USP40: variants seen among roughly 807,000 people sequenced by gnomAD.
The protein encoded by USP40 is ubiquitin carboxyl-terminal hydrolase 40.
Under a neutral mutation model 166.2 loss-of-function variants are expected in USP40, and 143 were observed. The observed-to-expected ratio is 0.86, with a 90% confidence interval of 0.75 to 0.99. The LOEUF (loss-of-function observed/expected upper bound fraction) is 0.99, where lower values mean the gene tolerates loss of function less well. Ranked by LOEUF, USP40 falls within the 50% of genes least tolerant of loss-of-function variation. The pLI is 0.00. For synonymous variants in USP40, 498 were observed against 524.0 expected (o/e 0.95, Z 0.68); for missense variants, 1,444 against 1,479.7 (o/e 0.98, Z 0.40).
chr2:233,500,433 A>C (rs1559229591), intron 21 of USP40, among the ~76,000 whole-genome samples: 1 of 152,240 alleles, frequency 6.6e-6, no homozygotes, highest in Non-Finnish European at 1.5e-5. Context: ...AGACAATATT[A>C]ACAAAAGTTT....
intron 11 of USP40, among the ~76,000 whole-genome samples, chr2:233,532,128 G>C (rs2068581002): frequency 6.6e-6 from 1 of 152,168 alleles, no homozygotes; most frequent in African/African-American, 2.4e-5. Context: ...CCTCTGAATG[G>C]TTGCTGTTGG....
intron 17 of USP40, 114 bp downstream of exon 17, chr2:233,520,877 C>T: frequency 8.5e-7 from 1 of 1,173,322 alleles, no homozygotes; most frequent in Non-Finnish European, 1.2e-6. Context: ...AGCTGACTTC[C>T]TAAGAGCTGA....
rs140261335 is a variant in USP40, at chr2:233,478,340, G to A, written c.3600-837C>T. On this transcript the variant is annotated intron_variant, in intron 31 of 31. Transcript: ENST00000678225. ...CAGTGACTCTGCGTCCTCAACACACGAGTCTTTCCCACTTTAGTGTTGCCA... is the reference window on the plus strand; with the variant it reads ...CAGTGACTCTGCGTCCTCAACACACAAGTCTTTCCCACTTTAGTGTTGCCA... Among the ~76,000 whole-genome samples, 49 of 152,290 alleles carry A rather than the reference G, an allele frequency of 3.2e-4. No homozygotes were observed. In the East Asian group the frequency reaches 6.4e-3, roughly 20 times the overall value.
In USP40 at chr2:233,493,255, C is replaced by T. The variant is rs2065463217; in HGVS notation, c.2917+170G>A. On this transcript the variant is annotated intron_variant, in intron 25 of 31. Transcript: ENST00000678225. This position sits in a 1 kb window ranked among gnomAD's most constrained non-coding sequence, Gnocchi z 4.7. Reference sequence around the variant, plus strand: ...GGTTACAGAGCACGTACAGAAATGGCACAGTGTTATTATTATGTGATGTCT... The same window carrying T: ...GGTTACAGAGCACGTACAGAAATGGTACAGTGTTATTATTATGTGATGTCT... 1.1e-6 allele frequency: 1 copy of T among 878,776 alleles called. No individual in the cohort carries two copies. Among genetic ancestry groups the T allele is most frequent in the Non-Finnish European group, 1.8e-6 (1 of 567,682 alleles). The allele number at this position is 878,776 out of a possible 1,614,324, so 54.4% of individuals were successfully genotyped here.
intron 21 of USP40, among the ~76,000 whole-genome samples, chr2:233,503,661 T>C (rs182549528): frequency 6.6e-6 from 1 of 152,242 alleles, no homozygotes; most frequent in East Asian, 1.9e-4. Context: ...AAGAATATCA[T>C]ATCCAGCAAA....
At chr2:233,542,200 T>C in intron 9 of USP40, 68 bp downstream of exon 9, 2 of 834,034 alleles carry the variant, frequency 2.4e-6, no homozygotes, top group South Asian at 2.0e-5. Context: ...TTCTTACATA[T>C]ATACACACAT....
intron 8 of USP40, chr2:233,542,647 C>A: frequency 3.7e-6 from 1 of 266,882 alleles, no homozygotes; most frequent in Non-Finnish European, 7.0e-6. Context: ...CACTGCACTC[C>A]AGCATGGATG....
intron 3 of USP40, chr2:233,560,809 G>A (rs1057029232): frequency 4.3e-6 from 2 of 460,150 alleles, no homozygotes; most frequent in Admixed American, 7.4e-5. Flanking sequence ...ATTTTTTTTT[G>A]TGTGGGGTGG....
intron 5 of USP40, 30 bp downstream of exon 5, chr2:233,556,825 C>A: frequency 1.3e-6 from 2 of 1,580,954 alleles, no homozygotes; most frequent in Non-Finnish European, 1.7e-6. Flanking sequence ...TACAACATAA[C>A]TTATTACTAA....
At chr2:233,484,482 T>G (rs925834428) in intron 30 of USP40, among the ~76,000 whole-genome samples, 46 of 151,854 alleles carry the variant, frequency 3.0e-4, no homozygotes, top group African/African-American at 1.0e-3. Flanking sequence ...TCCTTTTTTT[T>G]TTTTTCTTTT....
chr2:233,554,007 T>C (rs1212583678), intron 6 of USP40, among the ~76,000 whole-genome samples: 5 of 152,198 alleles, frequency 3.3e-5, no homozygotes, highest in South Asian at 4.1e-4. Context: ...AAAATAACTG[T>C]ATATTAAGAA....
chr2:233,530,522 G>A (rs766232693), intron 11 of USP40, among the ~76,000 whole-genome samples: 3 of 152,110 alleles, frequency 2.0e-5, no homozygotes, highest in Admixed American at 6.6e-5. Flanking sequence ...TGGTTTAAAC[G>A]GTATGACAGT....
chr2:233,525,425 G>A, intron 14 of USP40, 53 bp downstream of exon 14: 2 of 1,422,322 alleles, frequency 1.4e-6, no homozygotes, highest in Non-Finnish European at 2.0e-6. Flanking sequence ...AGGTGAGCCG[G>A]ACAAAAATGT....
intron 6 of USP40, among the ~76,000 whole-genome samples, chr2:233,552,764 T>G (rs1033664421): frequency 3.3e-5 from 5 of 152,238 alleles, no homozygotes; most frequent in African/African-American, 1.2e-4. Context: ...TTTAAGGTTT[T>G]ATTATAGTTT....
At chr2:233,514,168 T>A (rs2067021772) in intron 18 of USP40, among the ~76,000 whole-genome samples, 1 of 152,166 alleles carries the variant, frequency 6.6e-6, no homozygotes, top group Non-Finnish European at 1.5e-5. Context: ...GGAAATACAG[T>A]GGTAAGCAAA....
rs11332355 is a variant in USP40 at position 233,533,791 on chromosome 2, CA to C, written c.1171-13del. ...TGGAGCTGTAAGAACTACACAGAAA[CA>C]AAAAAAAAAATGCTAAGTTAATTAT... On this transcript the variant is annotated splice_polypyrimidine_tract_variant and intron_variant, in intron 10 of 31. Transcript: ENST00000678225. The C allele has an allele frequency of 0.76, 990,578 of 1,300,410 alleles. 357,291 individuals carry two copies. Among genetic ancestry groups the C allele is most frequent in the East Asian group, 0.85 (31,042 of 36,328 alleles). 80.6% of individuals were successfully genotyped at this position (1,300,410 alleles called of 1,614,324 possible). A position where few individuals can be genotyped will look rare whatever the true frequency, so the allele number is the denominator to read the frequency against.
chr2:233,522,337 G>T (rs993336029), intron 16 of USP40, among the ~76,000 whole-genome samples: 1 of 152,114 alleles, frequency 6.6e-6, no homozygotes, highest in Non-Finnish European at 1.5e-5. Context: ...AATGCATACT[G>T]CCTTTTATAA....
chr2:233,479,897 T>C (rs2064455039), intron 31 of USP40, among the ~76,000 whole-genome samples: 1 of 152,140 alleles, frequency 6.6e-6, no homozygotes, highest in African/African-American at 2.4e-5. Flanking sequence ...GAAGGGGCCC[T>C]GGCCCAGGGG....
chr2:233,555,126 G>A (rs201387069), intron 5 of USP40, among the ~76,000 whole-genome samples: 2 of 152,298 alleles, frequency 1.3e-5, no homozygotes, highest in East Asian at 3.9e-4. Context: ...CTGGGAGGCG[G>A]AGGTCGCAGT....
Sources: gnomAD v4.1 joint callset for allele counts (sites outside exome capture counted in the v4.1 genomes callset) on GRCh38, gnomAD v4.1.1 for gene constraint, Gnocchi (gnomAD v3.1) non-coding constraint, MANE v1.5 for transcripts, NCBI Gene and HGNC (gene_info 2026-07-23, HGNC 2026-07-21) for gene names.